The following MGAT5 variants were observed in gnomAD, a reference collection of about 807,000 sequenced individuals.
MGAT5 encodes alpha-1,6-mannosylglycoprotein 6-beta-N-acetylglucosaminyltransferase A.
Under a neutral mutation model 94.3 loss-of-function variants are expected in MGAT5, and 30 were observed. That is an observed-to-expected ratio of 0.32 (90% CI 0.24 to 0.43). The LOEUF is 0.43. MGAT5 is among the 20% of genes least tolerant of loss of function. The probability of loss-of-function intolerance (pLI) is 1.00; values close to 1 mark genes in which losing one functional copy is unlikely to be tolerated. For missense variants in MGAT5, 691 were observed against 905.5 expected, an observed-to-expected ratio of 0.76 and a Z score of 3.04; for synonymous variants, 310 against 322.9, an observed-to-expected ratio of 0.96 and a Z score of 0.43.
At chr2:134,169,417 C>G (rs62165701) in intron 1 of MGAT5, among the ~76,000 whole-genome samples, 1,885 of 128,628 alleles carry the variant, frequency 0.015, 16 homozygotes, top group African/African-American at 0.021. Flanking sequence ...CACACAGACA[C>G]ACACACACAC....
chr2:134,355,769 T>C (rs1046177525), intron 9 of MGAT5, among the ~76,000 whole-genome samples: 6 of 152,224 alleles, frequency 3.9e-5, no homozygotes, highest in African/African-American at 1.4e-4. Flanking sequence ...ATTTACAACT[T>C]CGTCTGGCTT....
intron 10 of MGAT5, among the ~76,000 whole-genome samples, chr2:134,373,255 G>A (rs16830502): frequency 0.22 from 33,148 of 152,078 alleles, 3,983 homozygotes; most frequent in Middle Eastern, 0.39. Flanking sequence ...AGGAGGCAGC[G>A]TCTCACATAG....
At chr2:134,260,455 G>C (rs574076674) in intron 1 of MGAT5, among the ~76,000 whole-genome samples, 130 of 152,284 alleles carry the variant, frequency 8.5e-4, no homozygotes, top group African/African-American at 3.1e-3. Flanking sequence ...AGATTGCTCT[G>C]AAAGGTTAGC....
intron 1 of MGAT5, among the ~76,000 whole-genome samples, chr2:134,149,702 G>T (rs923013163): frequency 2.0e-5 from 3 of 152,234 alleles, no homozygotes; most frequent in Non-Finnish European, 4.4e-5. Context: ...AGAGCTCCTG[G>T]CAGGAAACAA....
At chr2:134,162,757 A>G (rs1024249535) in intron 1 of MGAT5, among the ~76,000 whole-genome samples, 3 of 152,236 alleles carry the variant, frequency 2.0e-5, no homozygotes, top group African/African-American at 7.2e-5. Flanking sequence ...CCTACTATGC[A>G]CCAGACATGA....
intron 2 of MGAT5, 31 bp from the exon 3 acceptor site, chr2:134,317,498 T>G (rs777486230): frequency 8.2e-6 from 12 of 1,471,276 alleles, no homozygotes; most frequent in Non-Finnish European, 1.0e-5. Flanking sequence ...TAGATCTCAT[T>G]GTATCCTTTG....
intron 2 of MGAT5, among the ~76,000 whole-genome samples, chr2:134,303,327 A>C (rs1686143344): frequency 6.6e-6 from 1 of 152,000 alleles, no homozygotes; most frequent in East Asian, 1.9e-4. Flanking sequence ...CTGTTTCTCC[A>C]CATGTTTAAT....
At chr2:134,267,183 G>A (rs749384245) in intron 1 of MGAT5, among the ~76,000 whole-genome samples, 3 of 152,154 alleles carry the variant, frequency 2.0e-5, no homozygotes, top group Non-Finnish European at 4.4e-5. Flanking sequence ...ATGCTTGCTG[G>A]TGGACAGGTC....
chr2:134,365,297 A>G (rs963888963), intron 10 of MGAT5, among the ~76,000 whole-genome samples: 7 of 152,176 alleles, frequency 4.6e-5, no homozygotes, highest in African/African-American at 1.7e-4. Context: ...GGGAAATGCA[A>G]CCATGTAACT....
intron 1 of MGAT5, among the ~76,000 whole-genome samples, chr2:134,176,669 C>T (rs1688483039): frequency 6.6e-6 from 1 of 151,722 alleles, no homozygotes; most frequent in African/African-American, 2.4e-5. Context: ...ATACAAGCCC[C>T]TAATTTTATT....
chr2:134,198,599 T>C (rs933634383), intron 1 of MGAT5, among the ~76,000 whole-genome samples: 2 of 152,176 alleles, frequency 1.3e-5, no homozygotes, highest in Admixed American at 6.5e-5. Flanking sequence ...TCCATGTTCC[T>C]TATGGCAGCT....
chr2:134,140,373 T>C (rs1686603717), intron 1 of MGAT5, among the ~76,000 whole-genome samples: 1 of 152,138 alleles, frequency 6.6e-6, no homozygotes, highest in East Asian at 1.9e-4. Flanking sequence ...CTGCTTAGAA[T>C]GGGGGACAAG....
intron 1 of MGAT5, among the ~76,000 whole-genome samples, chr2:134,177,859 A>G (rs1558971853): frequency 6.6e-6 from 1 of 152,188 alleles, no homozygotes; most frequent in Non-Finnish European, 1.5e-5. Flanking sequence ...AAGTCAAGGT[A>G]TTTATGAGTT....
chr2:134,159,397 G>C (rs576111864), intron 1 of MGAT5, among the ~76,000 whole-genome samples: 1 of 152,272 alleles, frequency 6.6e-6, no homozygotes, highest in Admixed American at 6.5e-5. Flanking sequence ...TGACAAGATT[G>C]CTCAGACAGA....
At chr2:134,218,195 C>G (rs1302560999) in intron 1 of MGAT5, among the ~76,000 whole-genome samples, 1 of 152,208 alleles carries the variant, frequency 6.6e-6, no homozygotes, top group Non-Finnish European at 1.5e-5. Context: ...CACAGCAGAT[C>G]TTGATGTATC....
intron 1 of MGAT5, among the ~76,000 whole-genome samples, chr2:134,189,602 G>GTTTTGTTTTTTTTTTTTTTTTT (rs1553490380): frequency 2.0e-4 from 17 of 84,676 alleles, no homozygotes; most frequent in African/African-American, 7.6e-4. Flanking sequence ...GTTTTTTTTT[G>GTTTTGTTTTTTTTTTTTTTTTT]TTTTTTTTTT....
chr2:134,339,652 T>C (rs2105995726), intron 6 of MGAT5, among the ~76,000 whole-genome samples: 1 of 152,260 alleles, frequency 6.6e-6, no homozygotes, highest in Middle Eastern at 3.4e-3. Context: ...CAACAGAAAC[T>C]ACCATAGAAA....
intron 1 of MGAT5, among the ~76,000 whole-genome samples, chr2:134,159,224 T>TGTGTGTGG (rs1259381267): frequency 2.7e-5 from 4 of 150,706 alleles, no homozygotes; most frequent in Non-Finnish European, 5.9e-5. Flanking sequence ...TGTGTGTGTG[T>TGTGTGTGG]GGTCCCTGTA....
intron 1 of MGAT5, among the ~76,000 whole-genome samples, chr2:134,246,167 T>TAAA (rs11378452): frequency 0.18 from 23,876 of 130,332 alleles, 2,606 homozygotes; most frequent in South Asian, 0.31. Flanking sequence ...TTCCTGTTTA[T>TAAA]AAAAAAAAAA....
Sources: allele counts gnomAD v4.1 joint callset (sites outside exome capture counted in the v4.1 genomes callset), GRCh38; gene constraint gnomAD v4.1.1; transcripts MANE v1.5; gene names NCBI Gene and HGNC (gene_info 2026-07-23, HGNC 2026-07-21).